The following TFDP1 variants were observed in gnomAD, a reference collection of about 807,000 sequenced individuals.
TFDP1 encodes the protein DRTF1-polypeptide 1.
In TFDP1, 6 loss-of-function variants were observed where a neutral mutation model predicts 48.0. The ratio of observed to expected loss-of-function variants is 0.13; its 90% CI spans 0.07 to 0.25. The LOEUF (loss-of-function observed/expected upper bound fraction) is 0.25. Ranked by LOEUF, TFDP1 falls within the 10% of genes least tolerant of loss-of-function variation. The pLI, the probability that TFDP1 is intolerant of heterozygous loss-of-function variation, is 1.00. For missense variants in TFDP1, 335 were observed against 543.0 expected (o/e 0.62, Z 3.81); for synonymous variants, 201 against 211.6 (o/e 0.95, Z 0.44).
At chr13:113,601,593 T>C (rs1249259923) in intron 2 of TFDP1, among the ~76,000 whole-genome samples, 3 of 152,038 alleles carry the variant, frequency 2.0e-5, no homozygotes, top group African/African-American at 7.2e-5. Context: ...CCACCGGAGG[T>C]CGTCCCTGAG....
chr13:113,612,283 T>C (rs1294565810), intron 3 of TFDP1, among the ~76,000 whole-genome samples: 1 of 152,214 alleles, frequency 6.6e-6, no homozygotes, highest in East Asian at 1.9e-4. Flanking sequence ...TTGAGAGAAC[T>C]TGGCTTTGTG....
At chr13:113,586,790 T>G (rs941465353) in intron 2 of TFDP1, among the ~76,000 whole-genome samples, 4 of 152,210 alleles carry the variant, frequency 2.6e-5, no homozygotes, top group African/African-American at 9.6e-5. Flanking sequence ...ATCCCTGCCT[T>G]CAAGCACTGG....
At chr13:113,619,348 G>GTA (rs1386717608) in intron 3 of TFDP1, among the ~76,000 whole-genome samples, 1 of 152,114 alleles carries the variant, frequency 6.6e-6, no homozygotes, top group Non-Finnish European at 1.5e-5. Flanking sequence ...GCAGGTGCCT[G>GTA]TAGTCCCAGC....
intron 2 of TFDP1, among the ~76,000 whole-genome samples, chr13:113,591,304 G>A (rs900358155): frequency 1.4e-4 from 21 of 149,160 alleles, no homozygotes; most frequent in Non-Finnish European, 2.7e-4. Flanking sequence ...TCACGCCATT[G>A]CACTCCAGCC....
chr13:113,612,807 C>A (rs2048737689), intron 3 of TFDP1, among the ~76,000 whole-genome samples: 4 of 152,222 alleles, frequency 2.6e-5, no homozygotes, highest in Admixed American at 2.6e-4. Context: ...GGAACATATT[C>A]TGCATTCATG....
At chr13:113,605,581 A>G (rs2048543625) in intron 2 of TFDP1, among the ~76,000 whole-genome samples, 1 of 152,200 alleles carries the variant, frequency 6.6e-6, no homozygotes. Context: ...TGCAGGCCTC[A>G]AGGCCAGGGT....
rs575523695 is a variant in TFDP1, at chr13:113,638,136, C to T, written c.1085+240C>T. ...TGGTGGTTTTTTTTTCATAGTATCA[C>T]CTAATAAGTAAAGTAGGAATGAAAA... On this transcript the variant is annotated intron_variant, in intron 11 of 11. Coordinates refer to ENST00000375370, the MANE Select transcript of TFDP1 (RefSeq NM_007111.5). Among the ~76,000 whole-genome samples the T allele has an allele frequency of 3.9e-5, 6 of 152,250 alleles. No individual in the cohort carries two copies. In the South Asian group the frequency reaches 1.2e-3, roughly 32 times the overall value.
chr13:113,627,509 T>C lies in TFDP1; in HGVS notation c.187-4114T>C, dbSNP rs374946459. Among the ~76,000 whole-genome samples, 44 of 152,300 alleles carry C rather than the reference T, an allele frequency of 2.9e-4. No individual in the cohort carries two copies. The highest frequency in any genetic ancestry group is 1.0e-3 in the African/African-American group (43 of 41,548). On this transcript the variant is annotated intron_variant, in intron 4 of 11. Transcript: ENST00000375370. This position sits in a 1 kb window ranked among gnomAD's most constrained non-coding sequence, Gnocchi z 4.1. ...ACCGCGGTTAACCTTGGTCCATCTCTAGGATTCTGTGTCTGAGTGGGGTCA... is the reference window on the plus strand; with the variant it reads ...ACCGCGGTTAACCTTGGTCCATCTCCAGGATTCTGTGTCTGAGTGGGGTCA...
Position 113,628,891 on chromosome 13 carries a change from G to A in TFDP1, c.187-2732G>A, listed in dbSNP as rs115480686. ...GCTCCTGGTGTAGGGAAGTGAGGCCGGGGGCCTGCTCCATGTCTGTTGAAT... is the reference window on the plus strand; with the variant it reads ...GCTCCTGGTGTAGGGAAGTGAGGCCAGGGGCCTGCTCCATGTCTGTTGAAT... On this transcript the variant is annotated intron_variant, in intron 4 of 11. Coordinates refer to ENST00000375370, the MANE Select transcript of TFDP1 (RefSeq NM_007111.5). Among the ~76,000 whole-genome samples, 1,069 of 152,310 alleles carry A rather than the reference G, an allele frequency of 7.0e-3. 14 individuals carry two copies. The highest frequency in any genetic ancestry group is 0.025 in the East Asian group (128 of 5,178).
At chr13:113,618,562 C>A (rs538048327) in intron 3 of TFDP1, among the ~76,000 whole-genome samples, 3 of 152,232 alleles carry the variant, frequency 2.0e-5, no homozygotes, top group African/African-American at 7.2e-5. Flanking sequence ...AACATTCTAT[C>A]CTGAGGTGGA....
chr13:113,589,854 C>G (rs146160114), intron 2 of TFDP1, among the ~76,000 whole-genome samples: 1 of 152,184 alleles, frequency 6.6e-6, no homozygotes, highest in East Asian at 1.9e-4. Context: ...TCCTGCCTGC[C>G]CAGGCAGCAT....
chr13:113,631,245 A>G (rs1487107697), intron 4 of TFDP1, among the ~76,000 whole-genome samples: 4 of 152,234 alleles, frequency 2.6e-5, no homozygotes, highest in Admixed American at 1.3e-4. Flanking sequence ...AAGCGTGCTC[A>G]AGTGCCCTGT....
rs184057010 is a variant in TFDP1, at chr13:113,633,067, G to T, written c.309-53G>T. On this transcript the variant is annotated intron_variant, in intron 5 of 11. Coordinates refer to ENST00000375370, the MANE Select transcript of TFDP1 (RefSeq NM_007111.5). The surrounding 1 kb of genome is among the most constrained non-coding windows in gnomAD (Gnocchi z 4.5). ...CAGGTAAAAGCATTCCTCGATTCAGGCTGATCCTCAGGAGGGCTGACAGTC... is the reference window on the plus strand; with the variant it reads ...CAGGTAAAAGCATTCCTCGATTCAGTCTGATCCTCAGGAGGGCTGACAGTC... 4.4e-6 allele frequency: 7 copies of T among 1,609,182 alleles called. No homozygotes were observed. The highest frequency in any genetic ancestry group is 4.5e-5 in the East Asian group (2 of 44,830).
intron 4 of TFDP1, among the ~76,000 whole-genome samples, chr13:113,626,066 C>T (rs2049168404): frequency 6.8e-6 from 1 of 148,136 alleles, no homozygotes; most frequent in African/African-American, 2.5e-5. Flanking sequence ...CACATGTCCT[C>T]AGGTGTCTCT....
chr13:113,586,045 T>C, intron 2 of TFDP1, 196 bp downstream of exon 2: 2 of 544,210 alleles, frequency 3.7e-6, no homozygotes, highest in East Asian at 5.9e-5. Context: ...CACCCACAAG[T>C]TGTGGCCTTG....
At chr13:113,613,722 G>C (rs2048773856) in intron 3 of TFDP1, among the ~76,000 whole-genome samples, 1 of 119,524 alleles carries the variant, frequency 8.4e-6, no homozygotes, top group Non-Finnish European at 1.6e-5. Flanking sequence ...TATGTGAGGA[G>C]TGTGTGCATG....
rs1474451838 is a variant in TFDP1 at position 113,607,179 on chromosome 13, G to A, written c.13-3817G>A. On this transcript the variant is annotated intron_variant, in intron 2 of 11. Coordinates refer to ENST00000375370, the MANE Select transcript of TFDP1 (RefSeq NM_007111.5). The surrounding 1 kb of genome is among the most constrained non-coding windows in gnomAD (Gnocchi z 5.2). Reference sequence around the variant, plus strand: ...TGGCCCCTGACAGAGCCGTGCAGGCGGCAGCGGCAGCACTGTTGCTGCGGC... The same window carrying A: ...TGGCCCCTGACAGAGCCGTGCAGGCAGCAGCGGCAGCACTGTTGCTGCGGC... Among the ~76,000 whole-genome samples, 1 of 152,188 alleles carries A rather than the reference G, an allele frequency of 6.6e-6. No homozygotes were observed. The highest frequency in any genetic ancestry group is 2.4e-5 in the African/African-American group (1 of 41,438).
At chr13:113,628,260 A>G (rs112240483) in intron 4 of TFDP1, among the ~76,000 whole-genome samples, 67 of 148,690 alleles carry the variant, frequency 4.5e-4, no homozygotes, top group African/African-American at 1.5e-3. Context: ...ACTGTGTCTG[A>G]AGCCGTGTAA....
intron 1 of TFDP1, chr13:113,585,321 G>A (rs2047972761): frequency 6.6e-6 from 1 of 151,592 alleles, no homozygotes. Context: ...CGCGGACCCC[G>A]GAAGCCCACC....
Sources: allele counts gnomAD v4.1 joint callset (sites outside exome capture counted in the v4.1 genomes callset), GRCh38; gene constraint gnomAD v4.1.1; non-coding constraint Gnocchi (gnomAD v3.1); transcripts MANE v1.5; gene names NCBI Gene and HGNC (gene_info 2026-07-23, HGNC 2026-07-21).